Variants in MBOAT1 observed in about 807,000 individuals in gnomAD.
The protein encoded by MBOAT1 is membrane-bound glycerophospholipid O-acyltransferase 1.
Under a neutral mutation model 64.4 loss-of-function variants are expected in MBOAT1, and 67 were observed. That is an observed-to-expected ratio of 1.04 (90% CI 0.85 to 1.27). The LOEUF (loss-of-function observed/expected upper bound fraction) is 1.27, where lower values mean the gene tolerates loss of function less well. MBOAT1 is among the 50% of genes most tolerant of loss of function. MBOAT1 has a pLI of 0.00. For synonymous variants in MBOAT1, 229 were observed against 218.9 expected (o/e 1.05, Z -0.41); for missense variants, 563 against 604.6 (o/e 0.93, Z 0.72).
rs888344389 is a variant in MBOAT1 at position 20,152,130 on chromosome 6, G to A, written c.245+494C>T. On this transcript the variant is annotated intron_variant, in intron 2 of 12. Coordinates refer to ENST00000324607, the MANE Select transcript of MBOAT1 (RefSeq NM_001080480.3). ...GAGCTCAGGCGTTTGCAACCAGCCT[G>A]GGCAACACGGTGAAACCCCGTCTCT... Among the ~76,000 whole-genome samples, 3 of 151,890 alleles carry A rather than the reference G, an allele frequency of 2.0e-5. No homozygotes were observed. The East Asian group carries it at 5.8e-4, about 29-fold the overall frequency.
At chr6:20,180,816 T>C (rs1205258414) in intron 1 of MBOAT1, among the ~76,000 whole-genome samples, 1 of 152,258 alleles carries the variant, frequency 6.6e-6, no homozygotes, top group African/African-American at 2.4e-5. Context: ...GGCAAGTGCA[T>C]TTAATGAAAA....
chr6:20,141,563 TG>T (rs968876901), intron 4 of MBOAT1, among the ~76,000 whole-genome samples: 2 of 151,832 alleles, frequency 1.3e-5, no homozygotes, highest in African/African-American at 2.4e-5. Flanking sequence ...TTAGTAGAGA[TG>T]GGGTCTCATT....
At chr6:20,152,363 A>AATT (rs1761534404) in intron 2 of MBOAT1, among the ~76,000 whole-genome samples, 2 of 141,698 alleles carry the variant, frequency 1.4e-5, no homozygotes, top group African/African-American at 5.3e-5. Context: ...ATAAATAAAT[A>AATT]AATTAATTAA....
At chr6:20,111,739 A>C (rs964777142) in intron 11 of MBOAT1, among the ~76,000 whole-genome samples, 1 of 149,880 alleles carries the variant, frequency 6.7e-6, no homozygotes, top group Non-Finnish European at 1.5e-5. Context: ...TCTATGTACA[A>C]ATATGTACAA....
rs148918173 is a variant in MBOAT1 at position 20,128,603 on chromosome 6, T to C, written c.530+96A>G. 74 of 823,252 alleles carry C rather than the reference T, an allele frequency of 9.0e-5. No homozygotes were observed. In the African/African-American group the frequency reaches 1.1e-3, roughly 12 times the overall value. The allele number at this position is 823,252 out of a possible 1,614,324, so 51.0% of individuals were successfully genotyped here. ...CATAAAATAAATGATATTATATCCA[T>C]AGAACAGAATTAATGTGTAGATATT... On this transcript the variant is annotated intron_variant, in intron 6 of 12. Coordinates refer to ENST00000324607, the MANE Select transcript of MBOAT1 (RefSeq NM_001080480.3).
rs1454520631 is a variant in MBOAT1 at position 20,100,806 on chromosome 6, C to T, written c.*1480G>A. Among the ~76,000 whole-genome samples, 2 of 151,986 alleles carry T rather than the reference C, an allele frequency of 1.3e-5. No individual in the cohort carries two copies. Among genetic ancestry groups the T allele is most frequent in the Non-Finnish European group, 2.9e-5 (2 of 68,034 alleles). ...CTCCCAAGCAATCTGATTGGCAGTA[C>T]ACCATTGCAGCATATACTTTATTAT... On this transcript the variant is annotated 3_prime_UTR_variant, in exon 13 of 13. Coordinates refer to ENST00000324607, the MANE Select transcript of MBOAT1 (RefSeq NM_001080480.3).
At chr6:20,174,050 G>A (rs1046173379) in intron 1 of MBOAT1, among the ~76,000 whole-genome samples, 2 of 152,186 alleles carry the variant, frequency 1.3e-5, no homozygotes, top group African/African-American at 4.8e-5. Flanking sequence ...GGTTCCTCAC[G>A]AGACAGTTAT....
chr6:20,192,416 C>T (rs2113757630), intron 1 of MBOAT1, among the ~76,000 whole-genome samples: 1 of 152,300 alleles, frequency 6.6e-6, no homozygotes, highest in South Asian at 2.1e-4. Context: ...CTTCCAAACA[C>T]CACCCACACC....
In MBOAT1 at chr6:20,205,987, G is replaced by A. The variant is rs540123817; in HGVS notation, c.99+6149C>T. ...GCTCCACTTCTCAACTTGCATCCACGTGCTGCCCCTAACTTCCTTCTCCCC... is the reference window on the plus strand; with the variant it reads ...GCTCCACTTCTCAACTTGCATCCACATGCTGCCCCTAACTTCCTTCTCCCC... On this transcript the variant is annotated intron_variant, in intron 1 of 12. Transcript: ENST00000324607. Among the ~76,000 whole-genome samples the A allele has an allele frequency of 2.0e-5, 3 of 151,952 alleles. No individual in the cohort carries two copies. In the South Asian group the frequency reaches 6.2e-4, roughly 32 times the overall value.
At chr6:20,195,821 G>C (rs918187734) in intron 1 of MBOAT1, among the ~76,000 whole-genome samples, 8 of 152,028 alleles carry the variant, frequency 5.3e-5, no homozygotes, top group African/African-American at 1.7e-4. Context: ...AAATCAGAGA[G>C]ACAAGCACGC....
intron 1 of MBOAT1, among the ~76,000 whole-genome samples, chr6:20,181,423 AC>A (rs1762504907): frequency 6.7e-6 from 1 of 149,786 alleles, no homozygotes; most frequent in South Asian, 2.2e-4. Context: ...TCCCTTTTCC[AC>A]CCCCACTTGA....
chr6:20,108,701 C>A (rs1749261666), intron 12 of MBOAT1, among the ~76,000 whole-genome samples: 1 of 152,204 alleles, frequency 6.6e-6, no homozygotes, highest in African/African-American at 2.4e-5. Flanking sequence ...CCTAGAAAAG[C>A]CTGTGCAACT....
At chr6:20,117,267 T>G (rs1176810752) in intron 9 of MBOAT1, among the ~76,000 whole-genome samples, 1 of 152,210 alleles carries the variant, frequency 6.6e-6, no homozygotes, top group African/African-American at 2.4e-5. Flanking sequence ...AATGAGTGTT[T>G]TGCCCGCAGT....
At chr6:20,165,440 G>A (rs992839843) in intron 1 of MBOAT1, among the ~76,000 whole-genome samples, 2 of 151,996 alleles carry the variant, frequency 1.3e-5, no homozygotes, top group Non-Finnish European at 2.9e-5. Context: ...ACTCTACGCA[G>A]AAGGCTTAAA....
At chr6:20,176,275 C>T (rs1762339552) in intron 1 of MBOAT1, among the ~76,000 whole-genome samples, 1 of 136,958 alleles carries the variant, frequency 7.3e-6, no homozygotes, top group African/African-American at 2.5e-5. Flanking sequence ...CAAAGTGAGA[C>T]CCTGTCTTTA....
At chr6:20,123,037 G>A (rs113327287) in intron 8 of MBOAT1, among the ~76,000 whole-genome samples, 45,016 of 151,542 alleles carry the variant, frequency 0.3, 7,601 homozygotes, top group Non-Finnish European at 0.37. Flanking sequence ...GCCATGTTGG[G>A]CAGGCTGGTC....
intron 1 of MBOAT1, among the ~76,000 whole-genome samples, chr6:20,165,395 G>A (rs1309509524): frequency 6.6e-6 from 1 of 151,908 alleles, no homozygotes; most frequent in Non-Finnish European, 1.5e-5. Flanking sequence ...ACCTGCAGAG[G>A]GGCTATGAGA....
intron 4 of MBOAT1, among the ~76,000 whole-genome samples, chr6:20,132,058 T>A (rs1760845064): frequency 6.6e-6 from 1 of 151,360 alleles, no homozygotes; most frequent in South Asian, 2.1e-4. Flanking sequence ...AATTTTTGTA[T>A]TTTTTGTAGA....
At chr6:20,210,845 AG>A (rs1372054943) in intron 1 of MBOAT1, among the ~76,000 whole-genome samples, 1 of 152,072 alleles carries the variant, frequency 6.6e-6, no homozygotes, top group African/African-American at 2.4e-5. Flanking sequence ...GGGAGTGGAG[AG>A]GTAAGTACAA....
Sources: allele counts gnomAD v4.1 joint callset (sites outside exome capture counted in the v4.1 genomes callset), GRCh38; gene constraint gnomAD v4.1.1; transcripts MANE v1.5; gene names NCBI Gene and HGNC (gene_info 2026-07-23, HGNC 2026-07-21).